ACSM5: variants seen among roughly 807,000 people sequenced by gnomAD.
ACSM5 encodes the protein acyl-CoA synthetase medium chain family member 5.
ACSM5 carries 56 observed loss-of-function variants against 71.6 expected under a neutral mutation model. That is an observed-to-expected ratio of 0.78 (90% CI 0.63 to 0.98). ACSM5 has a LOEUF of 0.98. Ranked by LOEUF, ACSM5 falls within the 50% of genes least tolerant of loss-of-function variation. ACSM5 has a pLI of 0.00. For missense variants in ACSM5, 723 were observed against 726.0 expected, an observed-to-expected ratio of 1.00 and a Z score of 0.05; for synonymous variants, 285 against 281.5, an observed-to-expected ratio of 1.01 and a Z score of -0.12.
At chr16:20,438,954 T>TAAAAAA (rs1275195181) in intron 12 of ACSM5, among the ~76,000 whole-genome samples, 13 of 92,724 alleles carry the variant, frequency 1.4e-4, no homozygotes, top group Non-Finnish European at 2.2e-4. Context: ...GACTCTGTCT[T>TAAAAAA]AAAAAAAAAA....
rs542131326 is a variant in ACSM5, at chr16:20,417,568, C to T, written c.205-491C>T. Among the ~76,000 whole-genome samples, 21 of 152,234 alleles carry T rather than the reference C, an allele frequency of 1.4e-4. 1 individual carries two copies. In the South Asian group the frequency reaches 4.4e-3, roughly 32 times the overall value. ...TGGAGGAGGAGGGAATGGGAAGGGA[C>T]AGCTAATTTGCACAATGTTTCTTTT... On this transcript the variant is annotated intron_variant, in intron 2 of 13. Coordinates refer to ENST00000331849, the MANE Select transcript of ACSM5 (RefSeq NM_017888.3).
intron 2 of ACSM5, among the ~76,000 whole-genome samples, chr16:20,417,056 T>C (rs754262291): frequency 6.8e-6 from 1 of 146,494 alleles, no homozygotes; most frequent in Non-Finnish European, 1.5e-5. Context: ...ATAACAAACG[T>C]TGGAGATGAT....
intron 10 of ACSM5, among the ~76,000 whole-genome samples, chr16:20,436,726 C>T (rs1172300316): frequency 6.6e-6 from 1 of 152,144 alleles, no homozygotes. Flanking sequence ...TTCATGTGTT[C>T]TCTTGTCCTA....
intron 4 of ACSM5, chr16:20,419,670 T>C: frequency 1.8e-6 from 1 of 555,358 alleles, no homozygotes; most frequent in Non-Finnish European, 3.2e-6. Context: ...GCTTCTATAA[T>C]GCGGTGGTAG....
At position 20,439,980 on chromosome 16, in the gene ACSM5, G is replaced by A. The variant is rs1422854430; in HGVS notation, c.1656+61G>A. The A allele has an allele frequency of 5.3e-5, 85 of 1,601,244 alleles. 2 individuals are homozygous for A. The highest frequency in any genetic ancestry group is 3.4e-5 in the Non-Finnish European group (40 of 1,170,552). On this transcript the variant is annotated intron_variant, in intron 13 of 13. Coordinates refer to ENST00000331849, the MANE Select transcript of ACSM5 (RefSeq NM_017888.3). ...GAATCAGATGGGCACGCTCTGCCTG[G>A]GCTCCCACTCAGAGCCAGGCCCTGT...
At chr16:20,432,844 A>ATTTTTT (rs1567346831) in intron 10 of ACSM5, among the ~76,000 whole-genome samples, 10 of 60,208 alleles carry the variant, frequency 1.7e-4, no homozygotes, top group African/African-American at 7.7e-4. Flanking sequence ...TTTCCAGATC[A>ATTTTTT]TTCTTTTTTT....
At chr16:20,420,574 T>A (rs1966874065) in intron 4 of ACSM5, among the ~76,000 whole-genome samples, 1 of 152,158 alleles carries the variant, frequency 6.6e-6, no homozygotes, top group Non-Finnish European at 1.5e-5. Flanking sequence ...CACTCCAGCC[T>A]GGGCAACAAA....
intron 5 of ACSM5, 38 bp from the exon 6 acceptor site, chr16:20,423,878 C>T: frequency 6.2e-7 from 1 of 1,611,332 alleles, no homozygotes; most frequent in South Asian, 1.1e-5. Flanking sequence ...AAGGTAGAGT[C>T]ATTGCCAAGG....
intron 6 of ACSM5, among the ~76,000 whole-genome samples, chr16:20,426,270 TC>T (rs1483826454): frequency 6.6e-6 from 1 of 152,194 alleles, no homozygotes; most frequent in Non-Finnish European, 1.5e-5. Context: ...CCTTGCACTG[TC>T]CCCAGCTCTG....
chr16:20,437,334 T>C lies in ACSM5; in HGVS notation c.1503T>C (p.Ala501=). 2 of 1,614,022 alleles carry C rather than the reference T, an allele frequency of 1.2e-6. No individual in the cohort carries two copies. Among genetic ancestry groups the C allele is most frequent in the Non-Finnish European group, 1.7e-6 (2 of 1,179,982 alleles). ...LAEHPAVLES[A]VVSSPDPIRG... ...AGCATCCTGCTGTCCTGGAGTCGGC[T>C]GTGGTCAGCAGCCCAGACCCCATCA... The change falls in exon 12 of 14, where the codon GCT becomes GCC. Residue 501 remains alanine, a synonymous_variant. Transcript: ENST00000331849.
At chr16:20,414,187 C>G (rs922632559) in intron 2 of ACSM5, among the ~76,000 whole-genome samples, 7 of 152,074 alleles carry the variant, frequency 4.6e-5, no homozygotes, top group East Asian at 3.9e-4. Context: ...CACCCCTTCC[C>G]CAAGATTTTT....
intron 6 of ACSM5, among the ~76,000 whole-genome samples, chr16:20,427,335 T>C (rs1255491514): frequency 6.6e-6 from 1 of 152,100 alleles, no homozygotes; most frequent in Non-Finnish European, 1.5e-5. Context: ...AAAACCTCAC[T>C]GGTGGTTTTT....
At chr16:20,434,252 T>C (rs1365000787) in intron 10 of ACSM5, among the ~76,000 whole-genome samples, 2 of 152,216 alleles carry the variant, frequency 1.3e-5, no homozygotes, top group Admixed American at 1.3e-4. Context: ...ATTCTGCTTT[T>C]GACATTTAAG....
intron 6 of ACSM5, among the ~76,000 whole-genome samples, chr16:20,425,825 C>T (rs1966968169): frequency 1.3e-5 from 2 of 151,788 alleles, no homozygotes; most frequent in South Asian, 2.1e-4. Context: ...TCTTTGCCCA[C>T]CTGTTGATTT....
chr16:20,418,411 G>C (rs1351362753), intron 3 of ACSM5, 142 bp downstream of exon 3: 1 of 858,064 alleles, frequency 1.2e-6, no homozygotes, highest in Non-Finnish European at 1.8e-6. Flanking sequence ...AACAATCACA[G>C]ACTTGATTGT....
intron 1 of ACSM5, among the ~76,000 whole-genome samples, chr16:20,410,614 G>C (rs943967951): frequency 2.5e-4 from 38 of 152,270 alleles, no homozygotes; most frequent in Non-Finnish European, 4.9e-4. Flanking sequence ...AGTGCCTGTA[G>C]TCCCAGCTAC....
chr16:20,414,863 G>C (rs143771227), intron 2 of ACSM5, among the ~76,000 whole-genome samples: 1 of 152,290 alleles, frequency 6.6e-6, no homozygotes, highest in Non-Finnish European at 1.5e-5. Context: ...AGATGAGACT[G>C]TATTGTTTTA....
chr16:20,411,569 C>A lies in ACSM5; in HGVS notation c.85C>A (p.Leu29Ile). ...FCGSHGKPAP[L>I]PVPQKIVATW... ...TGGGTCTCATGGGAAGCCAGCACCT[C>A]TACCTGTTCCTCAGAAGATCGTGGC... Residue 29 changes from leucine to isoleucine, a missense_variant, in exon 2 of 14, where the codon CTA becomes ATA. Leu to Ile is a conservative substitution (Grantham distance 5). Transcript: ENST00000331849. The A allele has an allele frequency of 1.9e-6, 3 of 1,614,212 alleles. No homozygotes were observed. The highest frequency in any genetic ancestry group is 2.5e-6 in the Non-Finnish European group (3 of 1,180,032).
chr16:20,433,554 A>C (rs1303518817), intron 10 of ACSM5, among the ~76,000 whole-genome samples: 1 of 152,214 alleles, frequency 6.6e-6, no homozygotes, highest in Non-Finnish European at 1.5e-5. Context: ...AGCATTGTGA[A>C]CAAAAGCAAA....
Sources: gnomAD v4.1 joint callset for allele counts (sites outside exome capture counted in the v4.1 genomes callset) on GRCh38, gnomAD v4.1.1 for gene constraint, MANE v1.5 for transcripts, NCBI Gene and HGNC (gene_info 2026-07-23, HGNC 2026-07-21) for gene names.